ITPR2: variants seen among roughly 807,000 people sequenced by gnomAD.
ITPR2 encodes the protein inositol 1,4,5-trisphosphate receptor type 2, also known as inositol 1,4,5-trisphosphate-gated calcium channel ITPR2.
ITPR2 carries 207 observed loss-of-function variants against 317.1 expected under a neutral mutation model. The ratio of observed to expected loss-of-function variants is 0.65; its 90% CI spans 0.58 to 0.73. The LOEUF is 0.73. ITPR2 is among the 30% of genes least tolerant of loss of function. ITPR2 has a pLI of 0.00. For missense variants in ITPR2, 2,613 were observed against 3,284.0 expected (o/e 0.80, Z 4.99); for synonymous variants, 1,156 against 1,149.1 (o/e 1.01, Z -0.12).
intron 34 of ITPR2, among the ~76,000 whole-genome samples, chr12:26,569,069 C>T (rs1488822125): frequency 6.6e-6 from 1 of 152,102 alleles, no homozygotes; most frequent in Non-Finnish European, 1.5e-5. Context: ...AGATAGCTCA[C>T]AATTTTAAAC....
chr12:26,785,340 G>A (rs1592129528), intron 2 of ITPR2, among the ~76,000 whole-genome samples: 1 of 44,960 alleles, frequency 2.2e-5, no homozygotes, highest in African/African-American at 5.3e-5. Context: ...CGCCCCGTCC[G>A]GGAGGTGAGG....
intron 2 of ITPR2, among the ~76,000 whole-genome samples, chr12:26,771,349 G>A (rs1472058640): frequency 6.6e-6 from 1 of 152,092 alleles, no homozygotes; most frequent in Non-Finnish European, 1.5e-5. Context: ...ACTAGGAAAT[G>A]CTGACTACTG....
chr12:26,528,258 G>C (rs1440026780), intron 37 of ITPR2, among the ~76,000 whole-genome samples: 2 of 152,232 alleles, frequency 1.3e-5, no homozygotes, highest in Non-Finnish European at 2.9e-5. Flanking sequence ...AGAGAGGGAT[G>C]TTACTTCGGG....
Position 26,572,930 on chromosome 12 carries a change from C to T in ITPR2, c.4630+5783G>A, listed in dbSNP as rs544417487. On this transcript the variant is annotated intron_variant, in intron 34 of 56. Transcript: ENST00000381340. Reference sequence around the variant, plus strand: ...GTTCTAGTTTATATGTCAGGACTTTCTAAGACAGGACTTTTGGGGCAACAT... The same window carrying T: ...GTTCTAGTTTATATGTCAGGACTTTTTAAGACAGGACTTTTGGGGCAACAT... Among the ~76,000 whole-genome samples the T allele has an allele frequency of 7.2e-4, 110 of 152,130 alleles. No homozygotes were observed. In the Middle Eastern group the frequency reaches 0.01, roughly 14 times the overall value.
Position 26,655,921 on chromosome 12 carries a change from G to A in ITPR2, c.2445-69C>T, listed in dbSNP as rs187259604. 283 of 1,437,760 alleles carry A rather than the reference G, an allele frequency of 2.0e-4. No individual in the cohort carries two copies. The African/African-American group carries it at 3.5e-3, about 18-fold the overall frequency. The allele number at this position is 1,437,760 out of a possible 1,614,324, so 89.1% of individuals were successfully genotyped here. A position where few individuals can be genotyped will look rare whatever the true frequency, so the allele number is the denominator to read the frequency against. The stretch of plus-strand genomic sequence containing the variant: ...ATCATTTAAAAATAGGAAAACACAC[G>A]TAGTTTCCTGGGTGCATAATCTTGG... On this transcript the variant is annotated intron_variant, in intron 19 of 56. Transcript: ENST00000381340.
chr12:26,616,503 T>G (rs1032999177), intron 26 of ITPR2, among the ~76,000 whole-genome samples: 1 of 152,158 alleles, frequency 6.6e-6, no homozygotes, highest in Non-Finnish European at 1.5e-5. Flanking sequence ...TGGAAAAATT[T>G]TTAGTATCTA....
At chr12:26,800,216 C>T (rs1950531406) in intron 1 of ITPR2, among the ~76,000 whole-genome samples, 2 of 90,792 alleles carry the variant, frequency 2.2e-5, no homozygotes, top group African/African-American at 8.1e-5. Context: ...CAAGAAAAAA[C>T]TTTCCATTCA....
chr12:26,618,875 A>G (rs943186346), intron 26 of ITPR2, among the ~76,000 whole-genome samples: 30 of 152,248 alleles, frequency 2.0e-4, no homozygotes, highest in Non-Finnish European at 4.4e-5. Flanking sequence ...GAAAACATGT[A>G]CAAAATAGGC....
intron 2 of ITPR2, among the ~76,000 whole-genome samples, chr12:26,730,891 C>T (rs563064916): frequency 2.6e-5 from 4 of 152,294 alleles, no homozygotes; most frequent in South Asian, 4.1e-4. Flanking sequence ...AGCCAACCTT[C>T]ACACATGAGT....
chr12:26,375,831 C>A (rs10771277), intron 55 of ITPR2, among the ~76,000 whole-genome samples: 1 of 152,012 alleles, frequency 6.6e-6, no homozygotes, highest in East Asian at 1.9e-4. Flanking sequence ...TGCCCTAGTG[C>A]ATAAAATAAA....
intron 55 of ITPR2, among the ~76,000 whole-genome samples, chr12:26,343,534 T>A (rs1430433377): frequency 6.6e-6 from 1 of 152,160 alleles, no homozygotes; most frequent in Non-Finnish European, 1.5e-5. Flanking sequence ...GGTAAAATGG[T>A]AAGTTTTGTG....
intron 5 of ITPR2, among the ~76,000 whole-genome samples, chr12:26,718,540 CTT>C (rs531706053): frequency 6.7e-6 from 1 of 148,392 alleles, no homozygotes; most frequent in African/African-American, 2.5e-5. Context: ...TATATATAGA[CTT>C]AAATATATAA....
chr12:26,817,180 C>T (rs535018161), intron 1 of ITPR2, among the ~76,000 whole-genome samples: 3 of 57,672 alleles, frequency 5.2e-5, no homozygotes, highest in African/African-American at 7.1e-5. Context: ...GAGTCTCTTT[C>T]AAAAAAAAAA....
At chr12:26,390,110 G>A (rs1939786368) in intron 54 of ITPR2, among the ~76,000 whole-genome samples, 1 of 152,200 alleles carries the variant, frequency 6.6e-6, no homozygotes, top group Admixed American at 6.5e-5. Flanking sequence ...ATAATAATAA[G>A]TGTTGGTGAA....
chr12:26,433,304 T>A (rs955009489), intron 48 of ITPR2, among the ~76,000 whole-genome samples: 2 of 152,120 alleles, frequency 1.3e-5, no homozygotes, highest in Non-Finnish European at 2.9e-5. Context: ...TGCTATCCAG[T>A]CCTTTCCCAG....
intron 32 of ITPR2, among the ~76,000 whole-genome samples, chr12:26,593,750 T>G (rs1223659572): frequency 6.8e-6 from 1 of 147,146 alleles, no homozygotes; most frequent in Non-Finnish European, 1.5e-5. Context: ...TTTTTTTTTG[T>G]GTTTTTCAAA....
At chr12:26,744,126 G>A (rs992955658) in intron 2 of ITPR2, among the ~76,000 whole-genome samples, 7 of 152,140 alleles carry the variant, frequency 4.6e-5, no homozygotes, top group African/African-American at 1.7e-4. Context: ...AGAAGTCAGG[G>A]CCCAACAGCC....
At chr12:26,771,214 G>A (rs896196448) in intron 2 of ITPR2, among the ~76,000 whole-genome samples, 4 of 152,150 alleles carry the variant, frequency 2.6e-5, no homozygotes, top group African/African-American at 9.7e-5. Context: ...AGTTTGCAGG[G>A]CCACCATTTG....
At chr12:26,573,463 G>T (rs953502497) in intron 34 of ITPR2, among the ~76,000 whole-genome samples, 1 of 152,074 alleles carries the variant, frequency 6.6e-6, no homozygotes, top group Admixed American at 6.6e-5. Flanking sequence ...CTAAAGGGGG[G>T]TGGGGCAGAC....
Sources: allele counts gnomAD v4.1 joint callset (sites outside exome capture counted in the v4.1 genomes callset), GRCh38; gene constraint gnomAD v4.1.1; transcripts MANE v1.5; gene names NCBI Gene and HGNC (gene_info 2026-07-23, HGNC 2026-07-21).